Variants in RABGAP1 observed in about 807,000 individuals in gnomAD.
RABGAP1 encodes RAB GTPase activating protein 1.
A neutral mutation model predicts 137.6 loss-of-function variants in RABGAP1; 23 were observed. The observed-to-expected ratio is 0.17, with a 90% CI of 0.12 to 0.24. The LOEUF is 0.24. Ranked by LOEUF, RABGAP1 falls within the 10% of genes least tolerant of loss-of-function variation. The pLI is 1.00. For synonymous variants in RABGAP1, 451 were observed against 450.7 expected (o/e 1.00, Z -0.01); for missense variants, 906 against 1,275.8 (o/e 0.71, Z 4.42).
intron 5 of RABGAP1, 66 bp downstream of exon 5, chr9:122,989,537 A>T: frequency 6.7e-7 from 1 of 1,486,886 alleles, no homozygotes; most frequent in South Asian, 1.1e-5. Context: ...GGTTGAAATG[A>T]TTATGGTATT....
At position 123,103,409 on chromosome 9, in the gene RABGAP1, G is replaced by T; in HGVS notation, c.*196G>T. The T allele has an allele frequency of 1.4e-6, 1 of 728,674 alleles. No homozygotes were observed. Among genetic ancestry groups the T allele is most frequent in the Non-Finnish European group, 2.1e-6 (1 of 476,612 alleles). 45.1% of individuals were successfully genotyped at this position (728,674 alleles called of 1,614,324 possible). On this transcript the variant is annotated 3_prime_UTR_variant, in exon 26 of 26. Coordinates refer to ENST00000373647, the MANE Select transcript of RABGAP1 (RefSeq NM_012197.4). The stretch of plus-strand genomic sequence containing the variant: ...GGGGTAAGACTACTGATACTAACAG[G>T]CCTGCTAGCTCAGCCGACGCTCTGG...
chr9:122,957,461 C>T (rs998114361), intron 2 of RABGAP1, among the ~76,000 whole-genome samples: 1 of 152,086 alleles, frequency 6.6e-6, no homozygotes, highest in South Asian at 2.1e-4. Context: ...AAACATTTGT[C>T]ATTTTAGTAT....
At chr9:122,989,717 C>T in intron 5 of RABGAP1, 1 of 549,988 alleles carries the variant, frequency 1.8e-6, no homozygotes, top group Non-Finnish European at 3.2e-6. Flanking sequence ...GTTAAGTAGG[C>T]ATTCTGGTTC....
In RABGAP1 at chr9:123,103,239, T is replaced by G; in HGVS notation, c.*26T>G. 1 of 1,612,148 alleles carries G rather than the reference T, an allele frequency of 6.2e-7. No homozygotes were observed. The highest frequency in any genetic ancestry group is 8.5e-7 in the Non-Finnish European group (1 of 1,179,308). ...GAGCAGCTGCCGCCTCCCGACACCT[T>G]CAGAAAACACGACACCTTTTGTTGC... is the stretch of plus-strand genomic sequence containing the variant. On this transcript the variant is annotated 3_prime_UTR_variant, in exon 26 of 26. Coordinates refer to ENST00000373647, the MANE Select transcript of RABGAP1 (RefSeq NM_012197.4).
At chr9:122,956,761 T>C (rs1033582443) in intron 1 of RABGAP1, among the ~76,000 whole-genome samples, 1 of 152,184 alleles carries the variant, frequency 6.6e-6, no homozygotes, top group African/African-American at 2.4e-5. Flanking sequence ...TGTAAGTAGT[T>C]AGGGTTATCC....
chr9:123,089,736 T>C (rs376519519), intron 19 of RABGAP1, 22 bp from the exon 20 acceptor site: 1 of 1,589,612 alleles, frequency 6.3e-7, no homozygotes, highest in Non-Finnish European at 8.6e-7. Context: ...CTTCTTAATT[T>C]ACCCTATGAT....
intron 1 of RABGAP1, among the ~76,000 whole-genome samples, chr9:122,944,538 TTCTTTTGAAACGGAG>T (rs981674594): frequency 1.3e-5 from 2 of 151,782 alleles, no homozygotes; most frequent in African/African-American, 4.8e-5. Context: ...TTTTTTTTTC[TTCTTTTGAAACGGAG>T]TCTCACTCTG....
chr9:123,043,454 G>T (rs552728805), intron 13 of RABGAP1, among the ~76,000 whole-genome samples: 1 of 151,914 alleles, frequency 6.6e-6, no homozygotes, highest in Admixed American at 6.6e-5. Context: ...TAGATACATA[G>T]AAAACCAAGG....
intron 3 of RABGAP1, 89 bp from the exon 4 acceptor site, chr9:122,986,126 A>G: frequency 8.1e-7 from 1 of 1,240,082 alleles, no homozygotes; most frequent in Non-Finnish European, 1.2e-6. Flanking sequence ...TTTAGACCTT[A>G]AATGTTACTT....
upstream of RABGAP1, among the ~76,000 whole-genome samples, chr9:122,936,698 AC>A (rs1833392769): frequency 6.6e-6 from 1 of 151,620 alleles, no homozygotes; most frequent in African/African-American, 2.4e-5. Context: ...CACTGTTTTG[AC>A]CCCCCACCAG....
chr9:122,996,361 A>C (rs1837022294), intron 7 of RABGAP1, 178 bp from the exon 8 acceptor site: 2 of 1,133,412 alleles, frequency 1.8e-6, no homozygotes, highest in African/African-American at 3.2e-5. Context: ...TGGTAATAAA[A>C]GGCAAACGGA....
chr9:123,015,383 A>G (rs1422254561), intron 11 of RABGAP1, among the ~76,000 whole-genome samples, 160 bp from the exon 12 acceptor site: 3 of 148,972 alleles, frequency 2.0e-5, no homozygotes, highest in Admixed American at 1.4e-4. Context: ...ACCTAGAACT[A>G]TTTTTATTTT....
chr9:123,043,001 A>G (rs1330021184), intron 13 of RABGAP1, among the ~76,000 whole-genome samples: 2 of 152,176 alleles, frequency 1.3e-5, no homozygotes, highest in Non-Finnish European at 2.9e-5. Flanking sequence ...CAATAAAGCT[A>G]GAAGATAATG....
intron 15 of RABGAP1, among the ~76,000 whole-genome samples, chr9:123,072,488 A>G (rs1408423023): frequency 2.6e-5 from 4 of 152,178 alleles, no homozygotes; most frequent in Admixed American, 6.5e-5. Flanking sequence ...TGGGTTTTCC[A>G]ATCAGACCCT....
chr9:123,030,347 A>G (rs566111429), intron 13 of RABGAP1, among the ~76,000 whole-genome samples: 199 of 152,356 alleles, frequency 1.3e-3, no homozygotes, highest in Middle Eastern at 3.4e-3. Context: ...TTCTGAGAGT[A>G]TATAGAAATT....
intron 6 of RABGAP1, among the ~76,000 whole-genome samples, chr9:122,993,204 T>C (rs1440045127): frequency 1.3e-5 from 2 of 152,138 alleles, no homozygotes; most frequent in Non-Finnish European, 2.9e-5. Context: ...TTAACATAAA[T>C]ATAGACAAAG....
At chr9:122,970,223 T>C (rs1285796198) in intron 2 of RABGAP1, among the ~76,000 whole-genome samples, 1 of 152,104 alleles carries the variant, frequency 6.6e-6, no homozygotes, top group Non-Finnish European at 1.5e-5. Context: ...CCTGGAATTT[T>C]TCTTTGTTTC....
intron 21 of RABGAP1, among the ~76,000 whole-genome samples, chr9:123,090,961 G>A (rs981303619): frequency 6.6e-5 from 10 of 152,144 alleles, no homozygotes; most frequent in African/African-American, 2.2e-4. Flanking sequence ...ATAATCTCTC[G>A]ATCATGGTTT....
intron 13 of RABGAP1, among the ~76,000 whole-genome samples, chr9:123,024,206 C>A (rs2031820508): frequency 6.6e-6 from 1 of 152,068 alleles, no homozygotes; most frequent in Admixed American, 6.6e-5. Flanking sequence ...TTTTAAATTT[C>A]AGTAGGGATC....
Sources: allele counts gnomAD v4.1 joint callset (sites outside exome capture counted in the v4.1 genomes callset), GRCh38; gene constraint gnomAD v4.1.1; transcripts MANE v1.5; gene names NCBI Gene and HGNC (gene_info 2026-07-23, HGNC 2026-07-21).